GRID2: variants seen among roughly 807,000 people sequenced by gnomAD.
The protein encoded by GRID2 is glutamate ionotropic receptor delta type subunit 2.
A neutral mutation model predicts 114.8 loss-of-function variants in GRID2; 33 were observed. That is an observed-to-expected ratio of 0.29 (90% CI 0.22 to 0.38). The LOEUF (loss-of-function observed/expected upper bound fraction) is 0.38, where lower values mean the gene tolerates loss of function less well. Ranked by LOEUF, GRID2 falls within the 10% of genes least tolerant of loss-of-function variation. The pLI is 1.00. For synonymous variants in GRID2, 505 were observed against 449.9 expected (o/e 1.12, Z -1.55); for missense variants, 1,184 against 1,257.7 (o/e 0.94, Z 0.89).
intron 2 of GRID2, among the ~76,000 whole-genome samples, chr4:92,921,083 C>G (rs550320967): frequency 6.6e-6 from 1 of 152,200 alleles, no homozygotes; most frequent in South Asian, 2.1e-4. Flanking sequence ...TCTCTTTTAG[C>G]TTCATTTCAT....
chr4:92,755,707 T>A (rs1737681962), intron 2 of GRID2, among the ~76,000 whole-genome samples: 1 of 152,166 alleles, frequency 6.6e-6, no homozygotes, highest in African/African-American at 2.4e-5. Context: ...GAAAAGCCTT[T>A]CAAGATACTA....
intron 8 of GRID2, among the ~76,000 whole-genome samples, chr4:93,377,897 A>C (rs985633156): frequency 6.6e-6 from 1 of 152,204 alleles, no homozygotes; most frequent in African/African-American, 2.4e-5. Flanking sequence ...AAAGAATAAG[A>C]ATAGAAACTA....
intron 2 of GRID2, among the ~76,000 whole-genome samples, chr4:92,831,493 G>T (rs999931324): frequency 3.0e-5 from 4 of 134,360 alleles, no homozygotes; most frequent in Admixed American, 7.6e-5. Context: ...TGCCAATTTC[G>T]TTTTTTTTTT....
At chr4:92,848,738 G>T (rs939725780) in intron 2 of GRID2, among the ~76,000 whole-genome samples, 12 of 151,812 alleles carry the variant, frequency 7.9e-5, no homozygotes, top group Non-Finnish European at 1.6e-4. Context: ...TTGGAGATAG[G>T]GTCTTTAAAG....
chr4:93,387,494 G>A (rs1764432670), intron 8 of GRID2, among the ~76,000 whole-genome samples: 1 of 152,134 alleles, frequency 6.6e-6, no homozygotes, highest in Non-Finnish European at 1.5e-5. Context: ...GTAACACAGT[G>A]TTGGCTATGT....
At chr4:92,710,576 C>A (rs1735198238) in intron 2 of GRID2, among the ~76,000 whole-genome samples, 1 of 152,198 alleles carries the variant, frequency 6.6e-6, no homozygotes, top group Admixed American at 6.5e-5. Flanking sequence ...CACTTGAAAT[C>A]CCTGGGCTAC....
intron 2 of GRID2, among the ~76,000 whole-genome samples, chr4:92,932,740 A>G (rs1750341732): frequency 6.6e-6 from 1 of 151,384 alleles, no homozygotes; most frequent in Non-Finnish European, 1.5e-5. Context: ...GCAAAGCAAC[A>G]AAAACGAATG....
At chr4:92,402,220 T>C (rs1324982900) in intron 1 of GRID2, among the ~76,000 whole-genome samples, 1 of 152,172 alleles carries the variant, frequency 6.6e-6, no homozygotes, top group African/African-American at 2.4e-5. Flanking sequence ...TTCACCGAAT[T>C]CTTGAATCTC....
chr4:92,780,743 T>C (rs1457574559), intron 2 of GRID2, among the ~76,000 whole-genome samples: 1 of 152,042 alleles, frequency 6.6e-6, no homozygotes, highest in Non-Finnish European at 1.5e-5. Context: ...GAGTATTCTG[T>C]GTGTATTTCT....
chr4:92,459,246 T>C (rs1481465791), intron 1 of GRID2, among the ~76,000 whole-genome samples: 1 of 152,140 alleles, frequency 6.6e-6, no homozygotes, highest in Non-Finnish European at 1.5e-5. Flanking sequence ...TAAATCAATA[T>C]TCAAATATGT....
chr4:93,250,859 C>T (rs953465205), intron 8 of GRID2, among the ~76,000 whole-genome samples: 2 of 151,284 alleles, frequency 1.3e-5, no homozygotes, highest in African/African-American at 4.8e-5. Context: ...AACTGGCCTT[C>T]ATTTTAAAAA....
At chr4:93,721,958 G>A (rs1254123502) in intron 14 of GRID2, among the ~76,000 whole-genome samples, 18 of 137,324 alleles carry the variant, frequency 1.3e-4, no homozygotes, top group African/African-American at 3.8e-4. Flanking sequence ...TTGCTCTGCC[G>A]CCCAGGCTGG....
Position 92,666,650 on chromosome 4 carries a change from G to GTTTTTTGTTTTTT in GRID2, c.244+76370_244+76371insGTTTTTTTTTTTT, listed in dbSNP as rs1286942855. ...AGGCTGATGTGTAAACTTAAGGGTT[G>GTTTTTTGTTTTTT]TTTTTTTTTTTTTTTTTTTTCAGAT... On this transcript the variant is annotated intron_variant, in intron 2 of 15. Transcript: ENST00000282020. 8.6e-4 allele frequency among the ~76,000 whole-genome samples: 59 copies of GTTTTTTGTTTTTT among 68,602 alleles called. 1 individual carries two copies. Among genetic ancestry groups the GTTTTTTGTTTTTT allele is most frequent in the African/African-American group, 3.0e-3 (57 of 19,080 alleles). 45.0% of individuals were successfully genotyped at this position (68,602 alleles called of 152,430 possible). A position where few individuals can be genotyped will look rare whatever the true frequency, so the allele number is the denominator to read the frequency against.
intron 11 of GRID2, among the ~76,000 whole-genome samples, chr4:93,484,549 C>G (rs1160410244): frequency 6.6e-6 from 1 of 151,800 alleles, no homozygotes; most frequent in African/African-American, 2.4e-5. Context: ...CAGATAGGTT[C>G]AGAGCAACTG....
intron 8 of GRID2, chr4:93,258,951 A>G (rs761338678): frequency 4.8e-5 from 22 of 455,486 alleles, no homozygotes; most frequent in African/African-American, 4.2e-4. Context: ...CAGGTGAGGA[A>G]TATTAATAAG....
At chr4:93,384,744 G>C (rs1764161604) in intron 8 of GRID2, among the ~76,000 whole-genome samples, 1 of 152,132 alleles carries the variant, frequency 6.6e-6, no homozygotes, top group African/African-American at 2.4e-5. Context: ...TGCATATCAT[G>C]CACTGCATTA....
Position 93,784,071 on chromosome 4 carries a change from C to CAAAAAAA in GRID2, c.221+14643_221+14649dup, listed in dbSNP as rs70942993. ...TGGGCGACAGAGCGAGACTCCGTCT[C>CAAAAAAA]AAAAAAAAAAAAAAAAAAAAAAAAA... On this transcript the variant is annotated intron_variant, in intron 1 of 1. Coordinates refer to the GRID2 transcript ENST00000637838. 8.6e-3 allele frequency among the ~76,000 whole-genome samples: 335 copies of CAAAAAAA among 38,980 alleles called. 39 individuals carry two copies. Among genetic ancestry groups the CAAAAAAA allele is most frequent in the African/African-American group, 0.036 (301 of 8,308 alleles). 25.6% of individuals were successfully genotyped at this position (38,980 alleles called of 152,430 possible). A position where few individuals can be genotyped will look rare whatever the true frequency, so the allele number is the denominator to read the frequency against.
At chr4:93,542,207 G>A (rs1185010804) in intron 13 of GRID2, among the ~76,000 whole-genome samples, 1 of 152,122 alleles carries the variant, frequency 6.6e-6, no homozygotes, top group Non-Finnish European at 1.5e-5. Flanking sequence ...CTCCTCTGTT[G>A]TATTCATTGC....
At chr4:93,546,247 T>C (rs1733197160) in intron 13 of GRID2, among the ~76,000 whole-genome samples, 1 of 152,206 alleles carries the variant, frequency 6.6e-6, no homozygotes, top group African/African-American at 2.4e-5. Flanking sequence ...AAGATGCTTA[T>C]TCGAGCGCCA....
Sources: allele counts gnomAD v4.1 joint callset (sites outside exome capture counted in the v4.1 genomes callset), GRCh38; gene constraint gnomAD v4.1.1; transcripts MANE v1.5; gene names NCBI Gene and HGNC (gene_info 2026-07-23, HGNC 2026-07-21).